Variants in EML5 observed in about 807,000 individuals in gnomAD.
EML5 encodes the protein EMAP like 5.
In EML5, 120 loss-of-function variants were observed where a neutral mutation model predicts 250.0. The ratio of observed to expected loss-of-function variants is 0.48; its 90% confidence interval spans 0.41 to 0.56. EML5 has a LOEUF of 0.56. Ranked by LOEUF, EML5 falls within the 20% of genes least tolerant of loss-of-function variation. The pLI, the probability that EML5 is intolerant of heterozygous loss-of-function variation, is 0.00. For synonymous variants in EML5, 771 were observed against 806.5 expected (o/e 0.96, Z 0.75); for missense variants, 2,006 against 2,437.6 (o/e 0.82, Z 3.73).
In EML5 at chr14:88,613,507, T is replaced by G. The variant is rs968406311; in HGVS notation, c.*2311A>C. The G allele has an allele frequency of 2.0e-5, 3 of 152,184 alleles. No individual in the cohort carries two copies. The highest frequency in any genetic ancestry group is 2.9e-5 in the Non-Finnish European group (2 of 68,024). The allele number at this position is 152,184 out of a possible 1,614,324, so 9.4% of individuals were successfully genotyped here. On this transcript the variant is annotated 3_prime_UTR_variant, in exon 44 of 44. Coordinates refer to ENST00000554922, the MANE Select transcript of EML5 (RefSeq NM_183387.3). ...AAGGAAATAATAAAATACTAAAATC[T>G]GATTGTTTTTTGCTATTTAATAGCC...
At chr14:88,714,357 T>C (rs940147952) in intron 9 of EML5, among the ~76,000 whole-genome samples, 1 of 152,146 alleles carries the variant, frequency 6.6e-6, no homozygotes, top group Non-Finnish European at 1.5e-5. Flanking sequence ...AAAGGATTTA[T>C]AGTAGTAGTT....
At chr14:88,638,432 C>G (rs983657547) in intron 32 of EML5, among the ~76,000 whole-genome samples, 2 of 152,214 alleles carry the variant, frequency 1.3e-5, no homozygotes, top group Non-Finnish European at 2.9e-5. Context: ...TTCTACCCCG[C>G]CCAGTCTAGT....
In EML5 at chr14:88,704,856, A is replaced by C. The variant is rs2093286592; in HGVS notation, c.2051+4T>G. On this transcript the variant is annotated splice_donor_region_variant and intron_variant, in intron 13 of 43. Coordinates refer to ENST00000554922, the MANE Select transcript of EML5 (RefSeq NM_183387.3). Reference sequence around the variant, plus strand: ...CAAATAAATGAAAGATAGTTGTTTTATACCCGTGAACAAAGTGTAATCGAA... The same window carrying C: ...CAAATAAATGAAAGATAGTTGTTTTCTACCCGTGAACAAAGTGTAATCGAA... The C allele has an allele frequency of 2.5e-6, 4 of 1,603,778 alleles. No homozygotes were observed. Among genetic ancestry groups the C allele is most frequent in the Non-Finnish European group, 2.6e-6 (3 of 1,173,588 alleles).
rs781190773 is a variant in EML5, at chr14:88,702,506, A to G, written c.2178T>C (p.His726=). ...TAGTTAGGCAGAGAATATCATCATCATGACCCAGATAAAAACGCTGTGTGT... is the reference window on the plus strand; with the variant it reads ...TAGTTAGGCAGAGAATATCATCATCGTGACCCAGATAAAAACGCTGTGTGT... ...QQNTQRFYLG[H]DDDILCLTIH... is the part of the protein sequence containing the mutation. Residue 726 remains histidine (H), a synonymous_variant, in exon 14 of 44, where the codon CAT becomes CAC. Transcript: ENST00000554922. The G allele has an allele frequency of 6.2e-7, 1 of 1,613,560 alleles. No individual in the cohort carries two copies. The highest frequency in any genetic ancestry group is 8.5e-7 in the Non-Finnish European group (1 of 1,179,660).
intron 13 of EML5, among the ~76,000 whole-genome samples, chr14:88,703,247 A>G (rs909256866): frequency 6.6e-6 from 1 of 152,208 alleles, no homozygotes; most frequent in African/African-American, 2.4e-5. Flanking sequence ...TTATAAGTAA[A>G]AGGTATAGAA....
chr14:88,687,254 T>C lies in EML5; in HGVS notation c.2816A>G (p.Tyr939Cys), dbSNP rs755065063. ...GGCCAATGCAGCTCTTTTTATAGCA[T>C]AGGTCTTGAGACATCTTTCAAAAGA... Reference protein sequence around the residue: ...DDSFERCLKTYAIKRAALAPG... With the variant: ...DDSFERCLKTCAIKRAALAPG... The change falls in exon 19 of 44, where the codon TAT (tyrosine) becomes TGT (cysteine). Residue 939 changes from tyrosine (Y) to cysteine (C), a missense_variant. Around this residue, in one of 7 missense-constraint regions of EML5, gnomAD observed 1,375 missense variants for 1,590.3 expected, o/e 0.86. Coordinates refer to ENST00000554922, the MANE Select transcript of EML5 (RefSeq NM_183387.3). 9.9e-6 allele frequency: 16 copies of C among 1,611,910 alleles called. No homozygotes were observed. The South Asian group carries it at 1.1e-4, about 11-fold the overall frequency.
At chr14:88,631,299 G>A (rs28419565) in intron 33 of EML5, among the ~76,000 whole-genome samples, 15,572 of 152,194 alleles carry the variant, frequency 0.1, 881 homozygotes, top group Non-Finnish European at 0.12. Context: ...CCGCAGCCTC[G>A]AATTCCTGGG....
intron 21 of EML5, among the ~76,000 whole-genome samples, chr14:88,678,510 T>G (rs920211497): frequency 6.6e-6 from 1 of 152,190 alleles, no homozygotes; most frequent in Non-Finnish European, 1.5e-5. Flanking sequence ...GTCTTGCACC[T>G]GAACCTCCTA....
chr14:88,705,336 C>CT (rs2093297137), intron 12 of EML5, 146 bp downstream of exon 12: 1 of 693,732 alleles, frequency 1.4e-6, no homozygotes, highest in Non-Finnish European at 2.5e-6. Flanking sequence ...CAAGTGTACT[C>CT]TAACACTGAC....
chr14:88,791,587 G>GC (rs1195280842), intron 1 of EML5, among the ~76,000 whole-genome samples: 1 of 152,096 alleles, frequency 6.6e-6, no homozygotes, highest in East Asian at 1.9e-4. Context: ...ACTAAAAATA[G>GC]CCCCCCAATA....
At chr14:88,763,622 T>G (rs185587148) in intron 1 of EML5, among the ~76,000 whole-genome samples, 1 of 151,742 alleles carries the variant, frequency 6.6e-6, no homozygotes, top group African/African-American at 2.4e-5. Flanking sequence ...TTCCAAACAA[T>G]AGAAAAAGAG....
At chr14:88,727,630 T>A (rs2093687763) in intron 7 of EML5, among the ~76,000 whole-genome samples, 1 of 152,168 alleles carries the variant, frequency 6.6e-6, no homozygotes, top group Admixed American at 6.5e-5. Context: ...ACTCCCAACC[T>A]CTGGTGATCC....
At chr14:88,752,224 T>C (rs961981413) in intron 2 of EML5, among the ~76,000 whole-genome samples, 13 of 152,136 alleles carry the variant, frequency 8.5e-5, no homozygotes, top group African/African-American at 3.1e-4. Context: ...TCCTCAGCAA[T>C]GCAATATATT....
chr14:88,724,728 A>C (rs183742305), intron 8 of EML5, among the ~76,000 whole-genome samples: 94 of 152,348 alleles, frequency 6.2e-4, no homozygotes, highest in Non-Finnish European at 4.4e-5. Flanking sequence ...AATGAAGCTG[A>C]TCATGAATAT....
chr14:88,663,776 C>T (rs1000165723), intron 23 of EML5, among the ~76,000 whole-genome samples: 1 of 151,550 alleles, frequency 6.6e-6, no homozygotes. Flanking sequence ...CTCAAGCAGT[C>T]CTCCAGCCTT....
Position 88,616,651 on chromosome 14 carries a change from T to C in EML5, c.5796+75A>G, listed in dbSNP as rs989974138. 7 of 1,355,082 alleles carry C rather than the reference T, an allele frequency of 5.2e-6. No individual in the cohort carries two copies. The Admixed American group carries it at 1.3e-4, about 26-fold the overall frequency. 83.9% of individuals were successfully genotyped at this position (1,355,082 alleles called of 1,614,324 possible). On this transcript the variant is annotated intron_variant, in intron 42 of 43. Coordinates refer to ENST00000554922, the MANE Select transcript of EML5 (RefSeq NM_183387.3). ...AAATTAGGACAAAACATTTTAAATA[T>C]ATGGGGAAAAGTGCTGATGATAAGA...
At chr14:88,736,300 TG>T in intron 7 of EML5, 63 bp downstream of exon 7, 5 of 1,566,604 alleles carry the variant, frequency 3.2e-6, no homozygotes, top group Non-Finnish European at 4.4e-6. Flanking sequence ...TGCCTGGCCA[TG>T]TTTTCTTTAT....
chr14:88,757,866 T>C (rs1389263796), intron 1 of EML5, among the ~76,000 whole-genome samples: 1 of 151,894 alleles, frequency 6.6e-6, no homozygotes, highest in Admixed American at 6.6e-5. Context: ...TATTTATTTA[T>C]TTCAGACAGG....
intron 21 of EML5, among the ~76,000 whole-genome samples, chr14:88,681,596 T>C (rs773938869): frequency 1.3e-4 from 20 of 152,222 alleles, no homozygotes; most frequent in Admixed American, 1.3e-3. Flanking sequence ...AAATTATGTA[T>C]AATCCATAGT....
Sources: gnomAD v4.1 joint callset for allele counts (sites outside exome capture counted in the v4.1 genomes callset) on GRCh38, gnomAD v4.1.1 for gene constraint, gnomAD v4.1.1 regional missense constraint, MANE v1.5 for transcripts, NCBI Gene and HGNC (gene_info 2026-07-23, HGNC 2026-07-21) for gene names.